Variants in PTGER3 observed in about 807,000 individuals in gnomAD.
The protein encoded by PTGER3 is prostaglandin E receptor 3, also known as prostaglandin E2 receptor EP3 subtype.
In PTGER3, 22 loss-of-function variants were observed where a neutral mutation model predicts 34.7. That is an observed-to-expected ratio of 0.63 (90% CI 0.45 to 0.91). The LOEUF is 0.91. PTGER3 is among the 40% of genes least tolerant of loss of function. The probability of loss-of-function intolerance (pLI) is 0.00; values close to 1 mark genes in which losing one functional copy is unlikely to be tolerated. For missense variants in PTGER3, 468 were observed against 519.4 expected, an observed-to-expected ratio of 0.90 and a Z score of 0.96; for synonymous variants, 241 against 230.1, an observed-to-expected ratio of 1.05 and a Z score of -0.43.
intron 2 of PTGER3, among the ~76,000 whole-genome samples, chr1:70,993,695 G>C (rs536501889): frequency 1.3e-5 from 2 of 152,140 alleles, no homozygotes; most frequent in South Asian, 4.1e-4. Flanking sequence ...TTTGCTCCTC[G>C]AGGGCATTTG....
chr1:70,981,872 A>C (rs977133227), intron 2 of PTGER3, among the ~76,000 whole-genome samples: 1 of 152,116 alleles, frequency 6.6e-6, no homozygotes, highest in Non-Finnish European at 1.5e-5. Context: ...GGTACCCATC[A>C]ATCAATTGAC....
Position 71,005,121 on chromosome 1 carries a change from C to T in PTGER3, c.1077+7184G>A, listed in dbSNP as rs114196477. Among the ~76,000 whole-genome samples the T allele has an allele frequency of 4.3e-3, 659 of 152,282 alleles. 6 individuals carry two copies. Among genetic ancestry groups the T allele is most frequent in the African/African-American group, 0.015 (635 of 41,554 alleles). ...TTGCTGGCATCTCATGAGTAGAAGT[C>T]AGGGACATTGGGAAATAACCTACAA... On this transcript the variant is annotated intron_variant, in intron 2 of 3. Transcript: ENST00000306666.
At chr1:71,006,914 T>A in intron 2 of PTGER3, 1 of 985,402 alleles carries the variant, frequency 1.0e-6, no homozygotes. Flanking sequence ...ATAACACACA[T>A]TTATTAAATA....
chr1:70,981,355 CTTTCTTTCTTTCTTTCTTTCTT>C (rs1654297607), intron 2 of PTGER3, among the ~76,000 whole-genome samples: 1 of 88,614 alleles, frequency 1.1e-5, no homozygotes, highest in Admixed American at 1.5e-4. Context: ...TTCTTTCTTT[CTTTCTTTCTTTCTTTCTTTCTT>C]TCTTTCTTTC....
chr1:70,882,528 T>A (rs1052151550), intron 4 of PTGER3, among the ~76,000 whole-genome samples: 1 of 152,196 alleles, frequency 6.6e-6, no homozygotes, highest in Non-Finnish European at 1.5e-5. Flanking sequence ...TCCCAGACAC[T>A]GCAAATGTGG....
At chr1:70,941,296 A>G (rs1649739581) in intron 4 of PTGER3, among the ~76,000 whole-genome samples, 1 of 152,144 alleles carries the variant, frequency 6.6e-6, no homozygotes, top group Admixed American at 6.5e-5. Context: ...AAATGGCTAA[A>G]CCACTGCTTT....
chr1:71,027,540 G>A (rs548381396), intron 1 of PTGER3, among the ~76,000 whole-genome samples: 6 of 152,130 alleles, frequency 3.9e-5, no homozygotes, highest in Non-Finnish European at 5.9e-5. Context: ...GGAACTATCC[G>A]GTTCCCCAAC....
chr1:70,856,302 T>G (rs2100445531), intron 4 of PTGER3, among the ~76,000 whole-genome samples: 2 of 152,062 alleles, frequency 1.3e-5, no homozygotes, highest in East Asian at 3.9e-4. Flanking sequence ...TAGCTGGGTG[T>G]GGTGGCAGGG....
At chr1:70,871,541 A>G (rs2100544232) in intron 4 of PTGER3, among the ~76,000 whole-genome samples, 1 of 152,280 alleles carries the variant, frequency 6.6e-6, no homozygotes, top group Non-Finnish European at 1.5e-5. Context: ...GTTCATAACA[A>G]ATGCTCAAGA....
intron 1 of PTGER3, among the ~76,000 whole-genome samples, chr1:71,013,338 C>A (rs1657614157): frequency 6.6e-6 from 1 of 152,048 alleles, no homozygotes; most frequent in Non-Finnish European, 1.5e-5. Context: ...ATATATTATA[C>A]AACACACAAA....
At chr1:70,858,732 G>C (rs61777097) in intron 4 of PTGER3, among the ~76,000 whole-genome samples, 1 of 152,174 alleles carries the variant, frequency 6.6e-6, no homozygotes, top group Non-Finnish European at 1.5e-5. Context: ...TCCAGGACCT[G>C]TGTTCTTTCT....
chr1:70,889,260 A>G (rs1646562598), intron 4 of PTGER3, among the ~76,000 whole-genome samples: 1 of 151,798 alleles, frequency 6.6e-6, no homozygotes, highest in African/African-American at 2.4e-5. Context: ...CTAAAAATAC[A>G]AAAAATTAGC....
At chr1:70,981,210 C>T (rs1219341600) in intron 2 of PTGER3, among the ~76,000 whole-genome samples, 1 of 152,100 alleles carries the variant, frequency 6.6e-6, no homozygotes, top group Admixed American at 6.6e-5. Flanking sequence ...CAACTCCAGC[C>T]TACACACTCC....
chr1:70,925,099 G>T (rs1572662882), intron 4 of PTGER3, among the ~76,000 whole-genome samples: 1 of 152,178 alleles, frequency 6.6e-6, no homozygotes, highest in Non-Finnish European at 1.5e-5. Flanking sequence ...CCACCTCTTA[G>T]ATTCAAGCGA....
intron 1 of PTGER3, among the ~76,000 whole-genome samples, chr1:71,016,938 A>G (rs1657960772): frequency 6.6e-6 from 1 of 152,210 alleles, no homozygotes; most frequent in Admixed American, 6.5e-5. Flanking sequence ...TACTTAAAAT[A>G]AATATATTTA....
intron 4 of PTGER3, among the ~76,000 whole-genome samples, chr1:70,889,851 T>G (rs1646578258): frequency 1.3e-5 from 2 of 151,772 alleles, no homozygotes; most frequent in Admixed American, 1.3e-4. Context: ...TTAGGCTTCT[T>G]CCCTTGGGAC....
In PTGER3 at chr1:71,012,315, T is replaced by C. The variant is rs1230642945; in HGVS notation, c.1067A>G (p.Lys356Arg). ...GACAGCATTTGCTACCTGGCAAAAC[T>C]TTCGAAGAAGGATCTTTCTTAACAG... Reference protein sequence around the residue: ...YLLLRKILLRKFCQIRYHTNN... With the variant: ...YLLLRKILLRRFCQIRYHTNN... Residue 356 changes from lysine to arginine, a missense_variant, in exon 2 of 4, where the codon AAG becomes AGG. Physicochemically the swap from Lys to Arg is conservative, Grantham distance 26 (BLOSUM62 2). Transcript: ENST00000306666. The C allele has an allele frequency of 6.2e-7, 1 of 1,614,174 alleles. No individual in the cohort carries two copies. Among genetic ancestry groups the C allele is most frequent in the Admixed American group, 1.7e-5 (1 of 60,016 alleles).
intron 1 of PTGER3, among the ~76,000 whole-genome samples, chr1:71,037,659 G>A (rs1439155669): frequency 6.6e-6 from 1 of 152,146 alleles, no homozygotes; most frequent in African/African-American, 2.4e-5. Flanking sequence ...AGAGCTACAG[G>A]AAGTGAGAAC....
intron 4 of PTGER3, among the ~76,000 whole-genome samples, chr1:70,932,088 C>G (rs1165782864): frequency 6.6e-6 from 1 of 152,168 alleles, no homozygotes; most frequent in South Asian, 2.1e-4. Flanking sequence ...TCATCTCTCT[C>G]AAGTTCAAAG....
Sources: allele counts gnomAD v4.1 joint callset (sites outside exome capture counted in the v4.1 genomes callset), GRCh38; gene constraint gnomAD v4.1.1; transcripts MANE v1.5; gene names NCBI Gene and HGNC (gene_info 2026-07-23, HGNC 2026-07-21).